Variants in MYH11 observed in about 807,000 individuals in gnomAD.
The protein encoded by MYH11 is myosin-11.
A neutral mutation model predicts 246.6 loss-of-function variants in MYH11; 80 were observed. The ratio of observed to expected loss-of-function variants is 0.32; its 90% CI spans 0.27 to 0.39. The LOEUF (loss-of-function observed/expected upper bound fraction) is 0.39. MYH11 is among the 10% of genes least tolerant of loss of function. The probability of loss-of-function intolerance (pLI) is 1.00; values close to 1 mark genes in which losing one functional copy is unlikely to be tolerated. For missense variants in MYH11, 2,158 were observed against 2,546.8 expected (o/e 0.85, Z 3.29); for synonymous variants, 1,071 against 1,015.5 (o/e 1.05, Z -1.04).
intron 13 of MYH11, among the ~76,000 whole-genome samples, chr16:15,757,187 C>T (rs973576772): frequency 4.6e-5 from 7 of 150,682 alleles, no homozygotes; most frequent in Non-Finnish European, 4.4e-5. Flanking sequence ...GACAGGGTCT[C>T]ACTCTGTTAT....
At chr16:15,718,493 G>A in intron 36 of MYH11, 55 bp from the exon 37 acceptor site, 1 of 1,535,142 alleles carries the variant, frequency 6.5e-7, no homozygotes, top group Non-Finnish European at 8.7e-7. Context: ...CTTAAAAGAT[G>A]CCCCCTCCTT....
At chr16:15,786,058 AGGGACAGG>A (rs1377447143) in intron 5 of MYH11, 3 of 252,426 alleles carry the variant, frequency 1.2e-5, no homozygotes, top group African/African-American at 6.7e-5. Flanking sequence ...TCTCCATCCC[AGGGACAGG>A]GGGACACGTG....
chr16:15,848,576 C>T (rs1476217580), intron 1 of MYH11, among the ~76,000 whole-genome samples: 4 of 152,014 alleles, frequency 2.6e-5, no homozygotes, highest in South Asian at 4.1e-4. Context: ...CATTCTGTGT[C>T]GTGAGGGGAG....
Position 15,727,123 on chromosome 16 carries a change from C to T in MYH11, c.3652-69G>A. ...CCGGGAGAACGTTTCAGGCCCTGCC[C>T]TTTCCTCCCTCAGAGAGGTCCAGGA... On this transcript the variant is annotated intron_variant, in intron 27 of 40. Coordinates refer to ENST00000300036, the MANE Select transcript of MYH11 (RefSeq NM_002474.3). 3 of 1,442,830 alleles carry T rather than the reference C, an allele frequency of 2.1e-6. No individual in the cohort carries two copies. The Admixed American group carries it at 5.0e-5, about 24-fold the overall frequency. The allele number at this position is 1,442,830 out of a possible 1,614,324, so 89.4% of individuals were successfully genotyped here.
intron 1 of MYH11, among the ~76,000 whole-genome samples, chr16:15,851,639 G>A (rs1363329687): frequency 6.6e-6 from 1 of 151,890 alleles, no homozygotes; most frequent in Non-Finnish European, 1.5e-5. Context: ...ACCTCCCAAG[G>A]GCTTGTTCCC....
chr16:15,822,433 C>T (rs2043438663), intron 3 of MYH11, among the ~76,000 whole-genome samples: 1 of 152,124 alleles, frequency 6.6e-6, no homozygotes, highest in Admixed American at 6.6e-5. Context: ...AATCCCAGAA[C>T]TTTGGGAGGC....
chr16:15,707,828 T>C (rs1435334053), intron 40 of MYH11, among the ~76,000 whole-genome samples: 1 of 151,990 alleles, frequency 6.6e-6, no homozygotes, highest in Non-Finnish European at 1.5e-5. Flanking sequence ...AAAAATTAGC[T>C]GGGCGAGGTG....
At chr16:15,725,064 T>A in intron 28 of MYH11, 72 bp from the exon 29 acceptor site, 1 of 1,256,618 alleles carries the variant, frequency 8.0e-7, no homozygotes, top group Non-Finnish European at 1.1e-6. Context: ...CCCTTTTTAC[T>A]CAAAACACAT....
intron 40 of MYH11, among the ~76,000 whole-genome samples, chr16:15,711,596 A>C (rs1783019280): frequency 6.6e-6 from 1 of 152,210 alleles, no homozygotes; most frequent in African/African-American, 2.4e-5. Context: ...AGGTAGTAAG[A>C]GGCTCAGCAC....
chr16:15,816,181 A>G (rs2043257404), intron 3 of MYH11, among the ~76,000 whole-genome samples: 1 of 152,192 alleles, frequency 6.6e-6, no homozygotes, highest in Non-Finnish European at 1.5e-5. Flanking sequence ...CAAGGAATCC[A>G]CTATGAAAGC....
intron 9 of MYH11, among the ~76,000 whole-genome samples, chr16:15,768,341 G>A (rs559868922): frequency 6.6e-6 from 1 of 151,922 alleles, no homozygotes; most frequent in East Asian, 1.9e-4. Context: ...TGGCGCATGA[G>A]GATATCTTGA....
intron 40 of MYH11, chr16:15,714,550 C>G (rs369697434): frequency 4.9e-6 from 2 of 406,790 alleles, no homozygotes; most frequent in Non-Finnish European, 9.2e-6. Flanking sequence ...GGTGAAGTGG[C>G]GGGGGGTGGT....
intron 33 of MYH11, 71 bp from the exon 34 acceptor site, chr16:15,720,383 C>T: frequency 1.3e-6 from 2 of 1,545,504 alleles, no homozygotes; most frequent in South Asian, 1.2e-5. Context: ...CTAGGCAGCA[C>T]ATCACTGCAC....
At chr16:15,846,457 A>G (rs2044192600) in intron 1 of MYH11, among the ~76,000 whole-genome samples, 1 of 152,188 alleles carries the variant, frequency 6.6e-6, no homozygotes. Flanking sequence ...CCGGTGTGCA[A>G]TGATTGCAAG....
intron 10 of MYH11, among the ~76,000 whole-genome samples, chr16:15,761,506 C>T (rs2041866919): frequency 6.6e-6 from 1 of 152,098 alleles, no homozygotes; most frequent in South Asian, 2.1e-4. Context: ...TTTCACCCTT[C>T]TAGGATATGT....
chr16:15,747,389 G>T (rs1008420919), intron 19 of MYH11, among the ~76,000 whole-genome samples, 181 bp downstream of exon 19: 1 of 152,086 alleles, frequency 6.6e-6, no homozygotes, highest in Admixed American at 6.6e-5. Flanking sequence ...TTCCCTTCCT[G>T]CACTCGTAAC....
At chr16:15,763,760 C>CCCCACAA in intron 10 of MYH11, 36 bp downstream of exon 10, 2 of 1,192,090 alleles carry the variant, frequency 1.7e-6, no homozygotes, top group Non-Finnish European at 2.5e-6. Flanking sequence ...CCCCCAACCC[C>CCCCACAA]AAAGTCATTG....
At chr16:15,763,118 T>C (rs74595125) in intron 10 of MYH11, among the ~76,000 whole-genome samples, 4,772 of 152,250 alleles carry the variant, frequency 0.031, 170 homozygotes, top group East Asian at 0.11. Flanking sequence ...ACGGTCCAAA[T>C]GTTACAAGGG....
intron 2 of MYH11, among the ~76,000 whole-genome samples, chr16:15,828,541 C>T (rs2043632681): frequency 6.6e-6 from 1 of 152,176 alleles, no homozygotes; most frequent in East Asian, 1.9e-4. Context: ...AGCTGTAATC[C>T]CAGCACTTCG....
Sources: gnomAD v4.1 joint callset for allele counts (sites outside exome capture counted in the v4.1 genomes callset) on GRCh38, gnomAD v4.1.1 for gene constraint, MANE v1.5 for transcripts, NCBI Gene and HGNC (gene_info 2026-07-23, HGNC 2026-07-21) for gene names.